C1QTNF3: variants seen among roughly 807,000 people sequenced by gnomAD.
C1QTNF3 encodes the protein C1q and TNF related 3, also known as complement C1q tumor necrosis factor-related protein 3.
A neutral mutation model predicts 32.6 loss-of-function variants in C1QTNF3; 26 were observed. The observed-to-expected ratio is 0.80, with a 90% CI of 0.58 to 1.11. The LOEUF (loss-of-function observed/expected upper bound fraction) is 1.11. Among genes scored for constraint, C1QTNF3 ranks in the 50% least tolerant of loss-of-function variants. C1QTNF3 has a pLI of 0.00. For missense variants in C1QTNF3, 362 were observed against 398.2 expected (o/e 0.91, Z 0.77); for synonymous variants, 155 against 146.0 (o/e 1.06, Z -0.44).
At chr5:34,057,672 G>A in the C1QTNF3 span, among the ~76,000 whole-genome samples, 1 of 152,112 alleles carries the variant, frequency 6.6e-6, no homozygotes. Flanking sequence ...TTACTACAGG[G>A]CTCTTTTTGG....
In C1QTNF3 at chr5:34,020,543, T is replaced by C; in HGVS notation, c.*40A>G. 1 of 1,599,118 alleles carries C rather than the reference T, an allele frequency of 6.3e-7. No homozygotes were observed. The highest frequency in any genetic ancestry group is 8.6e-7 in the Non-Finnish European group (1 of 1,168,808). ...TCAGATCGTAACAAATCAGCTCAGC[T>C]ACAAGTCTTCCCCAAAGTGGAGCTA... On this transcript the variant is annotated 3_prime_UTR_variant, in exon 6 of 6. Coordinates refer to ENST00000382065, the MANE Select transcript of C1QTNF3 (RefSeq NM_181435.6).
chr5:34,056,420 A>G, the C1QTNF3 span, among the ~76,000 whole-genome samples: 207 of 38,786 alleles, frequency 5.3e-3, 2 homozygotes, highest in African/African-American at 0.016. Flanking sequence ...ATGTATATGT[A>G]TGTGTGTGTG....
the C1QTNF3 span, among the ~76,000 whole-genome samples, chr5:34,058,971 CAG>C: frequency 2.0e-5 from 3 of 152,186 alleles, no homozygotes; most frequent in African/African-American, 7.2e-5. Flanking sequence ...AGACGAGAAA[CAG>C]AGAATTACAG....
chr5:34,138,316 T>C, the C1QTNF3 span, among the ~76,000 whole-genome samples: 1 of 152,178 alleles, frequency 6.6e-6, no homozygotes, highest in African/African-American at 2.4e-5. Flanking sequence ...CTATTTTTTT[T>C]CCACCTGGTA....
the C1QTNF3 span, among the ~76,000 whole-genome samples, chr5:34,122,665 G>A: frequency 6.6e-6 from 1 of 152,166 alleles, no homozygotes; most frequent in Non-Finnish European, 1.5e-5. Flanking sequence ...TATCTACATT[G>A]GAAAGCATGA....
the C1QTNF3 span, chr5:34,175,717 C>T: frequency 7.7e-6 from 5 of 649,344 alleles, no homozygotes; most frequent in African/African-American, 5.5e-5. Context: ...ACCAGCTTCC[C>T]CCCTTTGTTT....
chr5:34,224,237 T>A, the C1QTNF3 span, among the ~76,000 whole-genome samples: 3 of 152,178 alleles, frequency 2.0e-5, no homozygotes, highest in African/African-American at 7.2e-5. Flanking sequence ...CAAGGTAATT[T>A]ATAGATTCAA....
At chr5:34,232,537 T>C in the C1QTNF3 span, among the ~76,000 whole-genome samples, 1 of 152,140 alleles carries the variant, frequency 6.6e-6, no homozygotes, top group Non-Finnish European at 1.5e-5. Flanking sequence ...TTCCACATGC[T>C]ATTCTCATGA....
the C1QTNF3 span, among the ~76,000 whole-genome samples, chr5:34,195,344 T>C: frequency 1.0e-5 from 1 of 99,706 alleles, no homozygotes; most frequent in Admixed American, 1.1e-4. Flanking sequence ...AATATATTTG[T>C]AATTGTTAGG....
the C1QTNF3 span, among the ~76,000 whole-genome samples, chr5:34,240,555 T>C: frequency 0.013 from 1,940 of 151,264 alleles, 49 homozygotes; most frequent in African/African-American, 0.045. Context: ...CAGGCAATCT[T>C]CCAAGATTGA....
chr5:34,236,111 AAT>A, the C1QTNF3 span, among the ~76,000 whole-genome samples: 5 of 152,228 alleles, frequency 3.3e-5, no homozygotes, highest in South Asian at 1.0e-3. Context: ...TTGGATATAA[AAT>A]ATGTTATTTC....
the C1QTNF3 span, among the ~76,000 whole-genome samples, chr5:34,093,891 C>A: frequency 6.6e-6 from 1 of 152,170 alleles, no homozygotes; most frequent in Admixed American, 6.6e-5. Context: ...ACACCCATGT[C>A]TCCTTTCTGC....
At chr5:34,025,522 A>G (rs1380975968) in intron 4 of C1QTNF3, among the ~76,000 whole-genome samples, 1 of 152,252 alleles carries the variant, frequency 6.6e-6, no homozygotes, top group African/African-American at 2.4e-5. Flanking sequence ...GAGGAGACAC[A>G]TTTGCACTAC....
At chr5:34,237,584 T>A in the C1QTNF3 span, among the ~76,000 whole-genome samples, 3 of 152,142 alleles carry the variant, frequency 2.0e-5, no homozygotes, top group African/African-American at 7.2e-5. Flanking sequence ...CAATTTGACA[T>A]GGTCAGGAAG....
the C1QTNF3 span, among the ~76,000 whole-genome samples, chr5:34,203,394 T>A: frequency 2.0e-5 from 3 of 152,186 alleles, no homozygotes; most frequent in African/African-American, 4.8e-5. Flanking sequence ...ATATATAGAT[T>A]GATAGATATT....
the C1QTNF3 span, among the ~76,000 whole-genome samples, chr5:34,138,272 T>G: frequency 6.6e-6 from 1 of 152,226 alleles, no homozygotes; most frequent in Non-Finnish European, 1.5e-5. Context: ...GAATTAAAAT[T>G]ATCTTAACAA....
chr5:34,088,229 T>C, the C1QTNF3 span, among the ~76,000 whole-genome samples: 1 of 152,162 alleles, frequency 6.6e-6, no homozygotes, highest in Admixed American at 6.5e-5. Flanking sequence ...ACCTACATAA[T>C]GTCCCAATTC....
intron 3 of C1QTNF3, 21 bp downstream of exon 3, chr5:34,033,283 G>A: frequency 6.2e-7 from 1 of 1,611,864 alleles, no homozygotes; most frequent in Non-Finnish European, 8.5e-7. Flanking sequence ...GCCACCAGGA[G>A]ATGTACCGAG....
chr5:34,128,908 A>C, the C1QTNF3 span, among the ~76,000 whole-genome samples: 27 of 152,208 alleles, frequency 1.8e-4, no homozygotes, highest in African/African-American at 6.5e-4. Context: ...GGCTTTGAAA[A>C]GTGAGAAGAA....
Sources: gnomAD v4.1 joint callset for allele counts (sites outside exome capture counted in the v4.1 genomes callset) on GRCh38, gnomAD v4.1.1 for gene constraint, MANE v1.5 for transcripts, NCBI Gene and HGNC (gene_info 2026-07-23, HGNC 2026-07-21) for gene names.